The following ITPKB variants were observed in gnomAD, a reference collection of about 807,000 sequenced individuals.
ITPKB encodes inositol-trisphosphate 3-kinase B.
In ITPKB, 13 loss-of-function variants were observed where a neutral mutation model predicts 69.4. The observed-to-expected ratio is 0.19, with a 90% confidence interval of 0.12 to 0.30. The LOEUF is 0.30. ITPKB is among the 10% of genes least tolerant of loss of function. The pLI is 1.00. For missense variants in ITPKB, 1,240 were observed against 1,250.5 expected, an observed-to-expected ratio of 0.99 and a Z score of 0.13; for synonymous variants, 584 against 513.7, an observed-to-expected ratio of 1.14 and a Z score of -1.85.
intron 2 of ITPKB, among the ~76,000 whole-genome samples, chr1:226,735,020 G>C (rs1657702890): frequency 6.6e-6 from 1 of 152,214 alleles, no homozygotes; most frequent in Admixed American, 6.5e-5. Flanking sequence ...ACATCTACAG[G>C]TTTCAGGGTC....
In ITPKB at chr1:226,642,337, G is replaced by T. The variant is rs1558300376; in HGVS notation, c.2247-212C>A. Among the ~76,000 whole-genome samples the T allele has an allele frequency of 6.6e-6, 1 of 151,404 alleles. No homozygotes were observed. Among genetic ancestry groups the T allele is most frequent in the Non-Finnish European group, 1.5e-5 (1 of 67,840 alleles). On this transcript the variant is annotated intron_variant, in intron 4 of 7. Coordinates refer to ENST00000429204, the MANE Select transcript of ITPKB (RefSeq NM_002221.4). The surrounding 1 kb of genome is among the most constrained non-coding windows in gnomAD (Gnocchi z 6.4). ...TAATTTTTCTTTTCTTTTTTTTTTA[G>T]ACAATTTTTTTAGTAGATAAGGGAG...
chr1:226,708,655 C>T (rs977143286), intron 2 of ITPKB, among the ~76,000 whole-genome samples: 4 of 152,248 alleles, frequency 2.6e-5, no homozygotes, highest in East Asian at 1.9e-4. Flanking sequence ...TGAGTCAACA[C>T]GTTGTGAGAC....
intron 2 of ITPKB, among the ~76,000 whole-genome samples, chr1:226,724,038 G>A (rs959122353): frequency 7.2e-5 from 11 of 152,204 alleles, no homozygotes; most frequent in African/African-American, 2.4e-4. Flanking sequence ...CTGGTGGAGG[G>A]GTGTCCTCTA....
At chr1:226,711,569 C>T (rs182416360) in intron 2 of ITPKB, among the ~76,000 whole-genome samples, 31 of 152,112 alleles carry the variant, frequency 2.0e-4, no homozygotes, top group Admixed American at 5.9e-4. Context: ...GGGGATCGTC[C>T]GACCGAAAAT....
At chr1:226,734,261 C>T (rs547852793) in intron 2 of ITPKB, among the ~76,000 whole-genome samples, 1 of 152,328 alleles carries the variant, frequency 6.6e-6, no homozygotes, top group Non-Finnish European at 1.5e-5. Flanking sequence ...ACACATTTGC[C>T]TCCAGATCAT....
intron 2 of ITPKB, among the ~76,000 whole-genome samples, chr1:226,670,989 C>T (rs1669604714): frequency 6.6e-6 from 1 of 152,150 alleles, no homozygotes; most frequent in South Asian, 2.1e-4. Flanking sequence ...CATAAAGAAA[C>T]TGCTACCATA....
At chr1:226,643,776 C>T (rs1332171582) in intron 4 of ITPKB, among the ~76,000 whole-genome samples, 1 of 152,202 alleles carries the variant, frequency 6.6e-6, no homozygotes, top group African/African-American at 2.4e-5. Context: ...TTGGGTTGGG[C>T]CCTTGCATGC....
intron 2 of ITPKB, among the ~76,000 whole-genome samples, chr1:226,696,194 T>C (rs1029505112): frequency 6.6e-6 from 1 of 152,228 alleles, no homozygotes; most frequent in Non-Finnish European, 1.5e-5. Context: ...TTAATCTCAC[T>C]AAGCCTTAGT....
intron 2 of ITPKB, among the ~76,000 whole-genome samples, chr1:226,723,664 AG>A (rs777130935): frequency 2.0e-5 from 3 of 152,066 alleles, no homozygotes; most frequent in Non-Finnish European, 4.4e-5. Context: ...AAGAAAGCAG[AG>A]GAACAAGGGG....
Position 226,737,464 on chromosome 1 carries a change from T to C in ITPKB, c.-6A>G, listed in dbSNP as rs781731478. ...GCATAGCAGTACACAGCCATAGTAC[T>C]GGGTCCCGCGCTGCCCGCCGCCGCG... is the stretch of plus-strand genomic sequence containing the variant. On this transcript the variant is annotated 5_prime_UTR_variant, in exon 2 of 8. Coordinates refer to ENST00000429204, the MANE Select transcript of ITPKB (RefSeq NM_002221.4). 14 of 1,587,674 alleles carry C rather than the reference T, an allele frequency of 8.8e-6. No individual in the cohort carries two copies. The highest frequency in any genetic ancestry group is 1.1e-5 in the Non-Finnish European group (13 of 1,170,750).
chr1:226,705,853 AT>A (rs1334979298), intron 2 of ITPKB, among the ~76,000 whole-genome samples: 1 of 152,244 alleles, frequency 6.6e-6, no homozygotes, highest in Non-Finnish European at 1.5e-5. Context: ...CATTTGAGGA[AT>A]TAGAAACTCT....
intron 2 of ITPKB, among the ~76,000 whole-genome samples, chr1:226,714,728 G>T (rs761563962): frequency 2.6e-5 from 4 of 152,184 alleles, no homozygotes; most frequent in Non-Finnish European, 5.9e-5. Flanking sequence ...AGGTAGTGTT[G>T]GCATCTGTCC....
At chr1:226,728,585 G>A (rs565344598) in intron 2 of ITPKB, among the ~76,000 whole-genome samples, 51 of 152,308 alleles carry the variant, frequency 3.3e-4, no homozygotes, top group African/African-American at 1.1e-3. Flanking sequence ...GGTGTGCAGT[G>A]TGCACTTCTG....
At chr1:226,702,073 T>C (rs1656681339) in intron 2 of ITPKB, among the ~76,000 whole-genome samples, 1 of 152,138 alleles carries the variant, frequency 6.6e-6, no homozygotes, top group African/African-American at 2.4e-5. Context: ...CAGGTCTATG[T>C]TGAGCAGGGA....
intron 2 of ITPKB, among the ~76,000 whole-genome samples, chr1:226,670,234 G>A (rs949835793): frequency 6.7e-6 from 1 of 149,914 alleles, no homozygotes; most frequent in Non-Finnish European, 1.5e-5. Context: ...TGTTGGTGAG[G>A]AGGAGAGTAA....
chr1:226,642,980 G>A lies in ITPKB; in HGVS notation c.2247-855C>T, dbSNP rs1409371854. ...GGCCGTATTGTGGGGGAAAGGCAGG[G>A]GGCTCCCTCAGCCTCTGCTCATCCC... On this transcript the variant is annotated intron_variant, in intron 4 of 7. Coordinates refer to ENST00000429204, the MANE Select transcript of ITPKB (RefSeq NM_002221.4). The surrounding 1 kb of genome is among the most constrained non-coding windows in gnomAD (Gnocchi z 6.4). 1.3e-5 allele frequency among the ~76,000 whole-genome samples: 2 copies of A among 152,138 alleles called. No homozygotes were observed. The highest frequency in any genetic ancestry group is 3.9e-4 in the East Asian group (2 of 5,174).
At chr1:226,732,789 T>C (rs962658077) in intron 2 of ITPKB, among the ~76,000 whole-genome samples, 2 of 152,172 alleles carry the variant, frequency 1.3e-5, no homozygotes, top group Non-Finnish European at 2.9e-5. Flanking sequence ...TTTGTTCAGA[T>C]CTCAGAGAAC....
At chr1:226,713,513 G>GCACC (rs1449158355) in intron 2 of ITPKB, among the ~76,000 whole-genome samples, 1 of 152,192 alleles carries the variant, frequency 6.6e-6, no homozygotes, top group African/African-American at 2.4e-5. Flanking sequence ...CTACGGCCAG[G>GCACC]CACCCTATCT....
chr1:226,730,654 G>GT (rs1247818823), intron 2 of ITPKB, among the ~76,000 whole-genome samples: 3 of 151,866 alleles, frequency 2.0e-5, no homozygotes, highest in East Asian at 1.9e-4. Flanking sequence ...AAAGTCTGTA[G>GT]TTTTTTTTCC....
Sources: gnomAD v4.1 joint callset for allele counts (sites outside exome capture counted in the v4.1 genomes callset) on GRCh38, gnomAD v4.1.1 for gene constraint, Gnocchi (gnomAD v3.1) non-coding constraint, MANE v1.5 for transcripts, NCBI Gene and HGNC (gene_info 2026-07-23, HGNC 2026-07-21) for gene names.